The following PTPN14 variants were observed in gnomAD, a reference collection of about 807,000 sequenced individuals.
PTPN14 encodes tyrosine-protein phosphatase non-receptor type 14.
A neutral mutation model predicts 126.8 loss-of-function variants in PTPN14; 53 were observed. The observed-to-expected ratio is 0.42, with a 90% CI of 0.34 to 0.53. The LOEUF (loss-of-function observed/expected upper bound fraction) is 0.53, where lower values mean the gene tolerates loss of function less well. Ranked by LOEUF, PTPN14 falls within the 20% of genes least tolerant of loss-of-function variation. The pLI is 0.08. For synonymous variants in PTPN14, 630 were observed against 599.3 expected (o/e 1.05, Z -0.75); for missense variants, 1,257 against 1,552.9 (o/e 0.81, Z 3.20).
At chr1:214,462,642 A>G (rs1462872278) in intron 2 of PTPN14, among the ~76,000 whole-genome samples, 1 of 152,242 alleles carries the variant, frequency 6.6e-6, no homozygotes. Context: ...ACACTGCACA[A>G]CACTAAGGAC....
chr1:214,449,904 G>A (rs1572007546), intron 3 of PTPN14, among the ~76,000 whole-genome samples: 1 of 151,964 alleles, frequency 6.6e-6, no homozygotes, highest in Non-Finnish European at 1.5e-5. Flanking sequence ...GGCCAAGGTA[G>A]AAGGATCACC....
intron 8 of PTPN14, among the ~76,000 whole-genome samples, chr1:214,396,358 G>A (rs1156552044): frequency 1.3e-5 from 2 of 152,106 alleles, no homozygotes; most frequent in East Asian, 1.9e-4. Flanking sequence ...AATGTTTTTA[G>A]GTACCTCTGC....
intron 1 of PTPN14, among the ~76,000 whole-genome samples, chr1:214,466,806 G>A (rs965898450): frequency 6.6e-6 from 1 of 152,144 alleles, no homozygotes; most frequent in African/African-American, 2.4e-5. Flanking sequence ...ACACTTGGAT[G>A]TACAAATAGG....
At position 214,483,516 on chromosome 1, in the gene PTPN14, T is replaced by A. The variant is rs371165552; in HGVS notation, c.-154-18559A>T. On this transcript the variant is annotated intron_variant, in intron 1 of 18. Transcript: ENST00000366956. ...GTTAACAACTTTCACTGTCTTGAAG[T>A]TTCTTCTTTGTAAAATATACTTACT... The A allele has an allele frequency of 2.3e-5, 15 of 658,198 alleles. No individual in the cohort carries two copies. The South Asian group carries it at 2.5e-4, about 11-fold the overall frequency. The allele number at this position is 658,198 out of a possible 1,614,324, so 40.8% of individuals were successfully genotyped here.
intron 1 of PTPN14, among the ~76,000 whole-genome samples, chr1:214,498,348 A>G (rs139010335): frequency 1.3e-5 from 2 of 152,338 alleles, no homozygotes; most frequent in African/African-American, 2.4e-5. Flanking sequence ...TCCCAGGTCA[A>G]TAAGAGCTGG....
intron 5 of PTPN14, among the ~76,000 whole-genome samples, chr1:214,407,745 C>G (rs1237100910): frequency 1.3e-5 from 2 of 152,160 alleles, no homozygotes; most frequent in Admixed American, 1.3e-4. Context: ...CAAAATATCC[C>G]TTGCTTTGCT....
intron 1 of PTPN14, among the ~76,000 whole-genome samples, chr1:214,477,535 C>T (rs1191051852): frequency 6.6e-6 from 1 of 152,166 alleles, no homozygotes; most frequent in African/African-American, 2.4e-5. Flanking sequence ...CTGTCTAATG[C>T]TAACACAGTA....
At chr1:214,523,540 T>C (rs894732840) in intron 1 of PTPN14, among the ~76,000 whole-genome samples, 7 of 152,190 alleles carry the variant, frequency 4.6e-5, no homozygotes, top group African/African-American at 1.7e-4. Context: ...GGCTCTACCA[T>C]CTAGGTTTGT....
At chr1:214,464,087 T>C (rs890435218) in intron 2 of PTPN14, among the ~76,000 whole-genome samples, 1 of 151,896 alleles carries the variant, frequency 6.6e-6, no homozygotes, top group African/African-American at 2.4e-5. Context: ...CTGTGAGGAA[T>C]CTTAAAAAGA....
intron 15 of PTPN14, among the ~76,000 whole-genome samples, chr1:214,373,763 C>G (rs1359344891): frequency 3.3e-5 from 5 of 151,932 alleles, no homozygotes; most frequent in Admixed American, 6.6e-5. Context: ...TCCTGTGGAT[C>G]TGAGATGAAG....
At chr1:214,451,375 C>T (rs1264345890) in intron 3 of PTPN14, among the ~76,000 whole-genome samples, 1 of 151,984 alleles carries the variant, frequency 6.6e-6, no homozygotes, top group Admixed American at 6.6e-5. Context: ...GCTATGCTGC[C>T]CAGGCTGGTC....
Position 214,423,921 on chromosome 1 carries a change from T to C in PTPN14, c.345-9195A>G, listed in dbSNP as rs1026097218. ...GCTTGAACCTGGGAGGCGGAGGTTGTAGTAAGCAGAGTTCGCGCCACTGCA... is the reference window on the plus strand; with the variant it reads ...GCTTGAACCTGGGAGGCGGAGGTTGCAGTAAGCAGAGTTCGCGCCACTGCA... On this transcript the variant is annotated intron_variant, in intron 3 of 18. Coordinates refer to ENST00000366956, the MANE Select transcript of PTPN14 (RefSeq NM_005401.5). 2.6e-5 allele frequency among the ~76,000 whole-genome samples: 4 copies of C among 151,890 alleles called. No homozygotes were observed. The East Asian group carries it at 5.8e-4, about 22-fold the overall frequency.
intron 1 of PTPN14, among the ~76,000 whole-genome samples, chr1:214,520,678 C>G (rs114639511): frequency 0.039 from 5,867 of 152,224 alleles, 172 homozygotes; most frequent in Middle Eastern, 0.12. Flanking sequence ...GGCCCCCCTC[C>G]AGTCCCCGCT....
chr1:214,465,951 C>CTTTTTTTTTTTCTTTTTTTTTTTTTT (rs1660625893), intron 1 of PTPN14, among the ~76,000 whole-genome samples: 2 of 59,024 alleles, frequency 3.4e-5, no homozygotes, highest in Non-Finnish European at 5.8e-5. Flanking sequence ...CAGTTACTTC[C>CTTTTTTTTTTTCTTTTTTTTTTTTTT]TTTTTTTTTT....
chr1:214,526,354 C>T (rs1655397386), intron 1 of PTPN14, among the ~76,000 whole-genome samples: 1 of 151,958 alleles, frequency 6.6e-6, no homozygotes, highest in Non-Finnish European at 1.5e-5. Context: ...ATACACATAC[C>T]AACAGTAATT....
intron 1 of PTPN14, among the ~76,000 whole-genome samples, chr1:214,550,084 T>C (rs1656068348): frequency 6.6e-6 from 1 of 152,196 alleles, no homozygotes; most frequent in Non-Finnish European, 1.5e-5. Flanking sequence ...AGGACCAAGC[T>C]CGCCTCAGAC....
chr1:214,444,323 A>G (rs1175655499), intron 3 of PTPN14, among the ~76,000 whole-genome samples: 2 of 152,222 alleles, frequency 1.3e-5, no homozygotes, highest in Admixed American at 6.5e-5. Context: ...ACAATTTCCC[A>G]TTCACTAGCT....
intron 3 of PTPN14, among the ~76,000 whole-genome samples, chr1:214,438,209 A>G (rs772153722): frequency 9.9e-5 from 15 of 152,188 alleles, no homozygotes; most frequent in Non-Finnish European, 2.2e-4. Flanking sequence ...TGTGGCAGCC[A>G]ACCTGGCTTC....
intron 10 of PTPN14, 146 bp from the exon 11 acceptor site, chr1:214,391,191 C>CT (rs978048162): frequency 7.4e-5 from 33 of 444,860 alleles, no homozygotes; most frequent in African/African-American, 6.2e-4. Context: ...GGTGGTAACA[C>CT]TAAGAACAAT....
Sources: gnomAD v4.1 joint callset for allele counts (sites outside exome capture counted in the v4.1 genomes callset) on GRCh38, gnomAD v4.1.1 for gene constraint, MANE v1.5 for transcripts, NCBI Gene and HGNC (gene_info 2026-07-23, HGNC 2026-07-21) for gene names.